Variants in ASIP observed in about 807,000 individuals in gnomAD.
The protein encoded by ASIP is agouti-signaling protein.
Under a neutral mutation model 10.3 loss-of-function variants are expected in ASIP, and 11 were observed. The ratio of observed to expected loss-of-function variants is 1.07; its 90% CI spans 0.68 to 1.78. The LOEUF is 1.78. ASIP is among the 40% of genes most tolerant of loss of function. The pLI is 0.00. For missense variants in ASIP, 180 were observed against 169.2 expected, an observed-to-expected ratio of 1.06 and a Z score of -0.35; for synonymous variants, 70 against 70.8, an observed-to-expected ratio of 0.99 and a Z score of 0.06.
intron 1 of ASIP, among the ~76,000 whole-genome samples, chr20:34,224,617 G>A (rs1474507121): frequency 6.6e-6 from 1 of 152,008 alleles, no homozygotes; most frequent in Non-Finnish European, 1.5e-5. Context: ...TAGCAGAATG[G>A]ACTTGCTTGA....
rs145074053 is a variant in ASIP at position 34,260,388 on chromosome 20, G to A, written c.14G>A (p.Arg5His). 6.8e-6 allele frequency: 11 copies of A among 1,613,416 alleles called. No individual in the cohort carries two copies. The highest frequency in any genetic ancestry group is 4.5e-5 in the East Asian group (2 of 44,894). ...AGGCCTCCTGGGATGGATGTCACCC[G>A]CTTACTCCTGGCCACCCTGCTGGTC... MDVT[R>H]LLLATLLVFL... The change falls in exon 2 of 4, where the codon CGC becomes CAC. Residue 5 changes from arginine (R) to histidine (H), a missense_variant. Physicochemically the swap from Arg to His is conservative, Grantham distance 29. Coordinates refer to ENST00000374954, the MANE Select transcript of ASIP (RefSeq NM_001672.3).
chr20:34,238,554 T>C (rs1216863720), upstream of ASIP, among the ~76,000 whole-genome samples: 4 of 152,174 alleles, frequency 2.6e-5, no homozygotes, highest in Admixed American at 2.6e-4. Context: ...CCCCTTTTGC[T>C]TGTACTTGTT....
chr20:34,213,627 G>A, intron 1 of ASIP: 1 of 1,565,538 alleles, frequency 6.4e-7, no homozygotes, highest in African/African-American at 1.4e-5. Context: ...TAATCTGGTT[G>A]ATAAGAGGAA....
intron 1 of ASIP, chr20:34,246,163 A>G: frequency 9.5e-7 from 1 of 1,047,716 alleles, no homozygotes; most frequent in South Asian, 1.4e-5. Context: ...CTCTTGTCAC[A>G]TGTTTCTTCT....
At chr20:34,265,400 T>C (rs2035767216) in intron 3 of ASIP, among the ~76,000 whole-genome samples, 1 of 152,106 alleles carries the variant, frequency 6.6e-6, no homozygotes, top group Non-Finnish European at 1.5e-5. Flanking sequence ...GGTGTGCTCC[T>C]GTAGTCCCAG....
intron 1 of ASIP, among the ~76,000 whole-genome samples, chr20:34,224,205 G>A (rs1192414886): frequency 6.8e-6 from 1 of 147,914 alleles, no homozygotes; most frequent in Admixed American, 6.8e-5. Flanking sequence ...AAACACCCAA[G>A]AATTATCAAT....
intron 1 of ASIP, among the ~76,000 whole-genome samples, chr20:34,235,868 AG>A (rs1219018438): frequency 1.1e-4 from 3 of 26,622 alleles, no homozygotes; most frequent in East Asian, 1.2e-3. Context: ...AAGGAAGGAA[AG>A]GAAGGAAGGA....
chr20:34,213,215 C>A (rs1177725887), intron 1 of ASIP, among the ~76,000 whole-genome samples: 4 of 152,216 alleles, frequency 2.6e-5, no homozygotes, highest in Non-Finnish European at 5.9e-5. Flanking sequence ...ATGCCTTCTA[C>A]CATGTTATGA....
intron 1 of ASIP, among the ~76,000 whole-genome samples, chr20:34,216,207 C>T (rs973616578): frequency 1.3e-5 from 2 of 152,230 alleles, no homozygotes; most frequent in African/African-American, 4.8e-5. Flanking sequence ...AGCAAGCGGG[C>T]GGGGTCAGCG....
chr20:34,223,594 T>G (rs1346333505), intron 1 of ASIP, among the ~76,000 whole-genome samples: 5 of 121,940 alleles, frequency 4.1e-5, no homozygotes, highest in African/African-American at 1.3e-4. Context: ...GGGAGGGAGG[T>G]GGGGGGGTCA....
At chr20:34,225,708 A>G (rs2035088195) in intron 1 of ASIP, among the ~76,000 whole-genome samples, 1 of 152,086 alleles carries the variant, frequency 6.6e-6, no homozygotes, top group African/African-American at 2.4e-5. Flanking sequence ...CATGTCTCTC[A>G]GTAGAGTTTA....
chr20:34,232,446 C>A (rs1244797296), intron 1 of ASIP, among the ~76,000 whole-genome samples: 1 of 152,134 alleles, frequency 6.6e-6, no homozygotes, highest in Non-Finnish European at 1.5e-5. Context: ...GAGGTTGGAA[C>A]CAAATCCGTC....
chr20:34,264,366 T>C (rs1157471807), intron 3 of ASIP, among the ~76,000 whole-genome samples: 1 of 152,198 alleles, frequency 6.6e-6, no homozygotes, highest in Non-Finnish European at 1.5e-5. Context: ...TGTGAGCTAA[T>C]CATCTCTGCA....
upstream of ASIP, among the ~76,000 whole-genome samples, chr20:34,193,613 T>C (rs1378957353): frequency 1.3e-5 from 2 of 152,212 alleles, no homozygotes; most frequent in African/African-American, 2.4e-5. Flanking sequence ...GAGAGTACTT[T>C]GTACATGACA....
chr20:34,224,493 G>T (rs532038862), intron 1 of ASIP, among the ~76,000 whole-genome samples: 15 of 151,586 alleles, frequency 9.9e-5, no homozygotes, highest in African/African-American at 3.4e-4. Context: ...ACGTCAAAAG[G>T]GTTTATAAGA....
At chr20:34,215,551 A>G in intron 1 of ASIP, 1 of 1,508,240 alleles carries the variant, frequency 6.6e-7, no homozygotes, top group Non-Finnish European at 9.2e-7. Context: ...GATATTCTGC[A>G]ACAAAAAGCA....
At chr20:34,242,595 C>T (rs2035301025) in intron 1 of ASIP, among the ~76,000 whole-genome samples, 1 of 152,232 alleles carries the variant, frequency 6.6e-6, no homozygotes, top group African/African-American at 2.4e-5. Flanking sequence ...AAAAAACAAA[C>T]AAACAACAAA....
At chr20:34,223,175 GA>G (rs1268863225) in intron 1 of ASIP, among the ~76,000 whole-genome samples, 1 of 151,864 alleles carries the variant, frequency 6.6e-6, no homozygotes, top group Non-Finnish European at 1.5e-5. Flanking sequence ...TCCCATCTAG[GA>G]AGTGAGGAGC....
intron 1 of ASIP, among the ~76,000 whole-genome samples, chr20:34,201,603 C>T (rs1601569425): frequency 1.3e-5 from 2 of 152,208 alleles, no homozygotes; most frequent in East Asian, 3.8e-4. Context: ...AAGAATTGGT[C>T]TCCAGCTGCC....
Sources: gnomAD v4.1 joint callset for allele counts (sites outside exome capture counted in the v4.1 genomes callset) on GRCh38, gnomAD v4.1.1 for gene constraint, MANE v1.5 for transcripts, NCBI Gene and HGNC (gene_info 2026-07-23, HGNC 2026-07-21) for gene names.